NPAS3: variants seen among roughly 807,000 people sequenced by gnomAD.
NPAS3 encodes neuronal PAS domain protein 3.
In NPAS3, 14 loss-of-function variants were observed where a neutral mutation model predicts 73.1. The observed-to-expected ratio is 0.19, with a 90% confidence interval of 0.13 to 0.30. The LOEUF is 0.30. Among genes scored for constraint, NPAS3 ranks in the 10% least tolerant of loss-of-function variants. The probability of loss-of-function intolerance (pLI) is 1.00; values close to 1 mark genes in which losing one functional copy is unlikely to be tolerated. For synonymous variants in NPAS3, 620 were observed against 541.5 expected (o/e 1.14, Z -2.01); for missense variants, 1,096 against 1,250.0 (o/e 0.88, Z 1.86).
Position 33,430,788 on chromosome 14 carries a change from G to A in NPAS3, c.468+63520G>A, listed in dbSNP as rs368819316. Among the ~76,000 whole-genome samples, 59 of 152,288 alleles carry A rather than the reference G, an allele frequency of 3.9e-4. 2 individuals carry two copies. The South Asian group carries it at 8.9e-3, about 23-fold the overall frequency. On this transcript the variant is annotated intron_variant, in intron 4 of 11. Transcript: ENST00000356141. Reference sequence around the variant, plus strand: ...CCGCATGTCTTCTTGTTTAATGAGAGGAGTGGTGGCCTTTATCTGTGCACG... The same window carrying A: ...CCGCATGTCTTCTTGTTTAATGAGAAGAGTGGTGGCCTTTATCTGTGCACG...
intron 5 of NPAS3, among the ~76,000 whole-genome samples, chr14:33,614,426 G>A (rs1042667578): frequency 1.1e-4 from 17 of 152,174 alleles, no homozygotes; most frequent in Admixed American, 3.3e-4. Flanking sequence ...CCTCAGTACT[G>A]CCCTAAATTT....
Position 33,592,420 on chromosome 14 carries a change from C to T in NPAS3, c.558+32210C>T, listed in dbSNP as rs996966810. On this transcript the variant is annotated intron_variant, in intron 5 of 11. Transcript: ENST00000356141. ...CACAAACATATTAAAATTTAAGAGG[C>T]GAAGCAGAGCCATATGTGATTGAGT... is the stretch of plus-strand genomic sequence containing the variant. Among the ~76,000 whole-genome samples the T allele has an allele frequency of 4.6e-5, 7 of 152,078 alleles. No homozygotes were observed. The South Asian group carries it at 6.2e-4, about 14-fold the overall frequency.
At chr14:33,156,198 C>T (rs1467576084) in intron 2 of NPAS3, among the ~76,000 whole-genome samples, 3 of 152,144 alleles carry the variant, frequency 2.0e-5, no homozygotes, top group East Asian at 1.9e-4. Flanking sequence ...AATGAATACT[C>T]CTTTATTTCA....
chr14:33,685,457 G>T, intron 6 of NPAS3, among the ~76,000 whole-genome samples: 1 of 152,256 alleles, frequency 6.6e-6, no homozygotes, highest in South Asian at 2.1e-4. Context: ...GTAGGTTTTT[G>T]TTCATTTGTT....
chr14:33,328,888 A>G (rs1467213747), intron 3 of NPAS3, among the ~76,000 whole-genome samples: 1 of 152,168 alleles, frequency 6.6e-6, no homozygotes, highest in Non-Finnish European at 1.5e-5. Flanking sequence ...ACAAATTTTA[A>G]CATAGAGTTT....
At chr14:33,802,053 A>G (rs996271674), downstream of NPAS3, 1 of 152,160 alleles carries the variant, frequency 6.6e-6, no homozygotes, top group Non-Finnish European at 1.5e-5. Context: ...GGAAAACTCA[A>G]TCAAACTGAT....
At chr14:33,194,701 C>T (rs1427408962) in intron 2 of NPAS3, among the ~76,000 whole-genome samples, 1 of 152,082 alleles carries the variant, frequency 6.6e-6, no homozygotes, top group Non-Finnish European at 1.5e-5. Flanking sequence ...CTATCTGATA[C>T]GATTCCAGTA....
intron 1 of NPAS3, among the ~76,000 whole-genome samples, chr14:32,999,618 A>G (rs1162482894): frequency 1.3e-5 from 2 of 152,140 alleles, no homozygotes; most frequent in Non-Finnish European, 2.9e-5. Context: ...TAGTAATTAC[A>G]TGTATATTTT....
At chr14:33,212,785 C>T (rs940373322) in intron 2 of NPAS3, among the ~76,000 whole-genome samples, 12 of 152,060 alleles carry the variant, frequency 7.9e-5, no homozygotes, top group African/African-American at 2.2e-4. Flanking sequence ...ATAAATATTA[C>T]GGTATATTAC....
intron 4 of NPAS3, among the ~76,000 whole-genome samples, chr14:33,546,707 C>A (rs1197001357): frequency 6.6e-6 from 1 of 152,156 alleles, no homozygotes. Context: ...CTTTTGAAAA[C>A]TGTGAAGGAA....
intron 4 of NPAS3, among the ~76,000 whole-genome samples, chr14:33,537,514 G>A (rs895612505): frequency 3.9e-5 from 6 of 152,158 alleles, no homozygotes; most frequent in Non-Finnish European, 7.3e-5. Context: ...AATCAGAATT[G>A]TAGTTTCTTT....
intron 4 of NPAS3, among the ~76,000 whole-genome samples, chr14:33,526,462 C>T (rs556496414): frequency 1.3e-5 from 2 of 151,748 alleles, no homozygotes; most frequent in East Asian, 3.9e-4. Flanking sequence ...TAAAGAATAT[C>T]CCATGTAAAA....
chr14:33,503,811 C>T (rs1244624635), intron 4 of NPAS3, among the ~76,000 whole-genome samples: 1 of 151,908 alleles, frequency 6.6e-6, no homozygotes, highest in Non-Finnish European at 1.5e-5. Context: ...TTTGTTTATC[C>T]TTTTACTCTA....
intron 9 of NPAS3, among the ~76,000 whole-genome samples, chr14:33,784,751 T>TATTTATTTATTTTTTA (rs199829124): frequency 8.7e-6 from 1 of 114,838 alleles, no homozygotes; most frequent in Admixed American, 8.5e-5. Flanking sequence ...ATTTATTTTT[T>TATTTATTTATTTTTTA]TTTTTTTTTT....
At chr14:32,995,749 G>A (rs545801923) in intron 1 of NPAS3, among the ~76,000 whole-genome samples, 66 of 152,310 alleles carry the variant, frequency 4.3e-4, no homozygotes, top group Middle Eastern at 3.4e-3. Flanking sequence ...ATGATTGTGA[G>A]GCTTCTCCAG....
In NPAS3 at chr14:33,017,201, G is replaced by A. The variant is rs143432975; in HGVS notation, c.51-38704G>A. Among the ~76,000 whole-genome samples the A allele has an allele frequency of 9.5e-4, 145 of 152,244 alleles. 1 individual carries two copies. The East Asian group carries it at 0.023, about 24-fold the overall frequency. ...AATTTCTTGATATTTTGCAACAAAT[G>A]GATGCCTAAAATTAGACGTGTTCTG... is the stretch of plus-strand genomic sequence containing the variant. On this transcript the variant is annotated intron_variant, in intron 1 of 11. Coordinates refer to ENST00000356141, the Ensembl canonical transcript of NPAS3.
At chr14:33,489,247 G>A (rs184044139) in intron 4 of NPAS3, among the ~76,000 whole-genome samples, 20 of 152,166 alleles carry the variant, frequency 1.3e-4, no homozygotes, top group Admixed American at 4.6e-4. Flanking sequence ...GATTGACTCC[G>A]AAGGAAAGTC....
At chr14:33,666,677 T>C (rs1436830971) in intron 5 of NPAS3, among the ~76,000 whole-genome samples, 1 of 152,292 alleles carries the variant, frequency 6.6e-6, no homozygotes, top group Admixed American at 6.5e-5. Context: ...TTTGTATGTG[T>C]TTTTCTTCTC....
At chr14:32,998,822 T>G (rs1465096165) in intron 1 of NPAS3, among the ~76,000 whole-genome samples, 2 of 152,348 alleles carry the variant, frequency 1.3e-5, no homozygotes, top group South Asian at 2.1e-4. Context: ...GGCTCCTCTA[T>G]GAAGTGCATG....
Sources: gnomAD v4.1 joint callset for allele counts (sites outside exome capture counted in the v4.1 genomes callset) on GRCh38, gnomAD v4.1.1 for gene constraint, MANE v1.5 for transcripts, NCBI Gene and HGNC (gene_info 2026-07-23, HGNC 2026-07-21) for gene names.